The following FER variants were observed in gnomAD, a reference collection of about 807,000 sequenced individuals.
FER encodes the protein FER tyrosine kinase.
FER carries 63 observed loss-of-function variants against 111.0 expected under a neutral mutation model. The observed-to-expected ratio is 0.57, with a 90% CI of 0.46 to 0.70. The LOEUF is 0.70. FER is among the 30% of genes least tolerant of loss of function. FER has a pLI of 0.00. For missense variants in FER, 914 were observed against 954.0 expected, an observed-to-expected ratio of 0.96 and a Z score of 0.55; for synonymous variants, 327 against 313.9, an observed-to-expected ratio of 1.04 and a Z score of -0.44.
At chr5:109,095,236 C>CA (rs1747353755) in intron 16 of FER, among the ~76,000 whole-genome samples, 1 of 152,072 alleles carries the variant, frequency 6.6e-6, no homozygotes, top group Non-Finnish European at 1.5e-5. Flanking sequence ...ACTTGGGTAG[C>CA]AAGCTGTTCA....
intron 17 of FER, among the ~76,000 whole-genome samples, chr5:109,173,117 C>T (rs1273765405): frequency 6.6e-6 from 1 of 152,136 alleles, no homozygotes; most frequent in Non-Finnish European, 1.5e-5. Context: ...TGTAAATGTC[C>T]AACCAGAATT....
At position 108,933,604 on chromosome 5, in the gene FER, A is replaced by G. The variant is rs1356679337; in HGVS notation, c.1237-12526A>G. Among the ~76,000 whole-genome samples the G allele has an allele frequency of 2.6e-5, 4 of 152,212 alleles. No homozygotes were observed. In the East Asian group the frequency reaches 7.7e-4, roughly 29 times the overall value. On this transcript the variant is annotated intron_variant, in intron 10 of 19. Transcript: ENST00000281092. ...TCATTTTTGGTTCCATATGAAATTT[A>G]AACTAGTTTTTTTTCTAATTCTATG...
intron 13 of FER, among the ~76,000 whole-genome samples, chr5:109,031,260 C>G (rs1769566908): frequency 6.6e-6 from 1 of 152,052 alleles, no homozygotes; most frequent in African/African-American, 2.4e-5. Context: ...TTCTGTTCTC[C>G]CATTCCAGGA....
chr5:108,759,604 G>C (rs1751494646), intron 1 of FER, among the ~76,000 whole-genome samples: 1 of 152,236 alleles, frequency 6.6e-6, no homozygotes, highest in Admixed American at 6.5e-5. Context: ...CTAGAGGCTG[G>C]AAATTTCAAA....
intron 10 of FER, among the ~76,000 whole-genome samples, chr5:108,934,355 T>C (rs868833624): frequency 3.3e-4 from 50 of 152,196 alleles, no homozygotes; most frequent in African/African-American, 1.2e-3. Context: ...AGGTTCCTTC[T>C]ACCACTGATT....
chr5:108,748,317 G>C (rs536623351), intron 1 of FER: 4 of 152,310 alleles, frequency 2.6e-5, no homozygotes, highest in Non-Finnish European at 5.9e-5. Context: ...CCTTCCCGGA[G>C]ATTTCAGCTC....
chr5:108,863,779 A>G (rs1763761373), intron 5 of FER, among the ~76,000 whole-genome samples: 1 of 152,214 alleles, frequency 6.6e-6, no homozygotes, highest in Non-Finnish European at 1.5e-5. Flanking sequence ...TAGTAAGGAG[A>G]ATAATCATTT....
In FER at chr5:109,192,354, C is replaced by G. The variant is rs904688010; in HGVS notation, c.*4779C>G. On this transcript the variant is annotated 3_prime_UTR_variant, in exon 20 of 20. Transcript: ENST00000281092. Reference sequence around the variant, plus strand: ...GGAGAACATGCTACAAGGCCAGATCCTGTCCTATGGAAAATAAAAAAGATC... The same window carrying G: ...GGAGAACATGCTACAAGGCCAGATCGTGTCCTATGGAAAATAAAAAAGATC... 1 of 152,134 alleles carries G rather than the reference C, an allele frequency of 6.6e-6. No individual in the cohort carries two copies. Among genetic ancestry groups the G allele is most frequent in the African/African-American group, 2.4e-5 (1 of 41,416 alleles). The allele number at this position is 152,134 out of a possible 1,614,324, so 9.4% of individuals were successfully genotyped here. A position where few individuals can be genotyped will look rare whatever the true frequency, so the allele number is the denominator to read the frequency against.
At chr5:109,002,820 T>G (rs1345668225) in intron 13 of FER, among the ~76,000 whole-genome samples, 2 of 152,150 alleles carry the variant, frequency 1.3e-5, no homozygotes, top group East Asian at 1.9e-4. Flanking sequence ...GAACAGACAC[T>G]TCTCAAAAGA....
chr5:109,153,899 T>G (rs1188701983), intron 17 of FER, among the ~76,000 whole-genome samples: 2 of 151,896 alleles, frequency 1.3e-5, no homozygotes, highest in Non-Finnish European at 2.9e-5. Context: ...ATAAAGTGAC[T>G]GGCTCCAGAA....
In FER at chr5:108,981,174, G is replaced by A. The variant is rs539477514; in HGVS notation, c.1656+21827G>A. ...GTTTTTTTTTTAGTTCATAATTGAA[G>A]CTTAATAATGTGTTTTAGTTTACTT... On this transcript the variant is annotated intron_variant, in intron 13 of 19. Coordinates refer to ENST00000281092, the MANE Select transcript of FER (RefSeq NM_005246.4). Among the ~76,000 whole-genome samples the A allele has an allele frequency of 3.3e-5, 5 of 151,958 alleles. No individual in the cohort carries two copies. In the South Asian group the frequency reaches 6.2e-4, roughly 19 times the overall value.
intron 17 of FER, among the ~76,000 whole-genome samples, chr5:109,103,615 T>C (rs1748527673): frequency 6.6e-6 from 1 of 152,192 alleles, no homozygotes; most frequent in African/African-American, 2.4e-5. Flanking sequence ...GAATTTTGGG[T>C]TAGTTTTAAT....
intron 16 of FER, among the ~76,000 whole-genome samples, chr5:109,065,381 C>G (rs945136571): frequency 9.2e-5 from 14 of 152,112 alleles, no homozygotes; most frequent in African/African-American, 3.4e-4. Flanking sequence ...TATGTAGAAA[C>G]CAAATAAAAG....
At chr5:109,166,508 A>G (rs564307349) in intron 17 of FER, among the ~76,000 whole-genome samples, 1 of 152,168 alleles carries the variant, frequency 6.6e-6, no homozygotes, top group Non-Finnish European at 1.5e-5. Flanking sequence ...CATTTGCACT[A>G]TTAATCAATC....
Position 109,193,103 on chromosome 5 carries a change from T to G in FER, c.*5528T>G, listed in dbSNP as rs1367689966. Reference sequence around the variant, plus strand: ...TGTGTCCTTAAACAGTGCGTGCCTCTTAAGTCTCTACAACACTTTTTTAAA... The same window carrying G: ...TGTGTCCTTAAACAGTGCGTGCCTCGTAAGTCTCTACAACACTTTTTTAAA... On this transcript the variant is annotated 3_prime_UTR_variant, in exon 20 of 20. Coordinates refer to ENST00000281092, the MANE Select transcript of FER (RefSeq NM_005246.4). 6.6e-6 allele frequency: 1 copy of G among 152,306 alleles called. No individual in the cohort carries two copies. Among genetic ancestry groups the G allele is most frequent in the African/African-American group, 2.4e-5 (1 of 41,578 alleles). The allele number at this position is 152,306 out of a possible 1,614,324, so 9.4% of individuals were successfully genotyped here.
chr5:108,894,568 C>A, intron 9 of FER: 1 of 411,190 alleles, frequency 2.4e-6, no homozygotes, highest in South Asian at 2.2e-5. Context: ...ATGCTCAGGT[C>A]ATTCTTGAGT....
chr5:109,155,316 A>G (rs1160365871), intron 17 of FER, among the ~76,000 whole-genome samples: 1 of 151,948 alleles, frequency 6.6e-6, no homozygotes, highest in East Asian at 1.9e-4. Context: ...ATTGAAAAAT[A>G]TGAAGAGTAG....
intron 3 of FER, among the ~76,000 whole-genome samples, chr5:108,827,846 C>G (rs62363286): frequency 1.4e-5 from 2 of 144,406 alleles, no homozygotes; most frequent in Non-Finnish European, 3.0e-5. Flanking sequence ...TTTTTTCCCC[C>G]AAGACAGGCT....
chr5:108,763,501 C>G (rs1221210013), intron 1 of FER, among the ~76,000 whole-genome samples: 1 of 152,146 alleles, frequency 6.6e-6, no homozygotes, highest in Non-Finnish European at 1.5e-5. Flanking sequence ...GCCATCCTCC[C>G]CTGCAGAGCG....
Sources: gnomAD v4.1 joint callset for allele counts (sites outside exome capture counted in the v4.1 genomes callset) on GRCh38, gnomAD v4.1.1 for gene constraint, MANE v1.5 for transcripts, NCBI Gene and HGNC (gene_info 2026-07-23, HGNC 2026-07-21) for gene names.